GPR39: variants seen among roughly 807,000 people sequenced by gnomAD.
The protein encoded by GPR39 is G protein-coupled receptor 39, also known as zinc sensing receptor.
GPR39 carries 23 observed loss-of-function variants against 18.4 expected under a neutral mutation model. The ratio of observed to expected loss-of-function variants is 1.25; its 90% CI spans 0.90 to 1.77. The LOEUF (loss-of-function observed/expected upper bound fraction) is 1.77. GPR39 is among the 40% of genes most tolerant of loss of function. The probability of loss-of-function intolerance (pLI) is 0.00; values close to 1 mark genes in which losing one functional copy is unlikely to be tolerated. For missense variants in GPR39, 647 were observed against 602.4 expected, an observed-to-expected ratio of 1.07 and a Z score of -0.78; for synonymous variants, 280 against 257.9, an observed-to-expected ratio of 1.09 and a Z score of -0.82.
At chr2:132,468,095 A>G (rs938569893) in intron 1 of GPR39, among the ~76,000 whole-genome samples, 1 of 152,328 alleles carries the variant, frequency 6.6e-6, no homozygotes, top group Admixed American at 6.5e-5. Flanking sequence ...GATACTTGGC[A>G]TGATGGGAAA....
At chr2:132,609,503 ACTC>A (rs938821986) in intron 1 of GPR39, among the ~76,000 whole-genome samples, 49 of 152,028 alleles carry the variant, frequency 3.2e-4, no homozygotes, top group African/African-American at 1.2e-3. Context: ...GTTGAGTTGA[ACTC>A]CTAAGTCAGT....
At position 132,461,355 on chromosome 2, in the gene GPR39, C is replaced by T. The variant is rs796419538; in HGVS notation, c.856+43457C>T. On this transcript the variant is annotated intron_variant, in intron 1 of 1. Transcript: ENST00000329321. The stretch of plus-strand genomic sequence containing the variant: ...CCTAGACTTGCTAGCTGCCTAGTAT[C>T]GTGCTCAAGGTACTGCCATGTATAC... 7.9e-5 allele frequency among the ~76,000 whole-genome samples: 12 copies of T among 152,266 alleles called. No individual in the cohort carries two copies. In the South Asian group the frequency reaches 1.2e-3, roughly 16 times the overall value.
At chr2:132,523,342 A>G (rs766270932) in intron 1 of GPR39, among the ~76,000 whole-genome samples, 3 of 152,212 alleles carry the variant, frequency 2.0e-5, no homozygotes, top group Non-Finnish European at 4.4e-5. Flanking sequence ...ACAATGAACA[A>G]TCCATTAAAT....
At chr2:132,427,399 C>T (rs1020106370) in intron 1 of GPR39, among the ~76,000 whole-genome samples, 2 of 150,152 alleles carry the variant, frequency 1.3e-5, no homozygotes, top group African/African-American at 4.9e-5. Context: ...GATCTCCTGA[C>T]CTCGTGATCC....
Position 132,551,996 on chromosome 2 carries a change from G to T in GPR39, c.857-93105G>T, listed in dbSNP as rs1680053266. ...TCCTCCAGAGAAATAGCACCAATAG[G>T]ATGTGTGGACAGTCACCCCTTTGTA... On this transcript the variant is annotated intron_variant, in intron 1 of 1. Transcript: ENST00000329321. Among the ~76,000 whole-genome samples, 3 of 152,284 alleles carry T rather than the reference G, an allele frequency of 2.0e-5. No individual in the cohort carries two copies. In the South Asian group the frequency reaches 6.2e-4, roughly 32 times the overall value.
intron 1 of GPR39, among the ~76,000 whole-genome samples, chr2:132,419,788 G>A (rs1479820565): frequency 6.6e-6 from 1 of 152,066 alleles, no homozygotes; most frequent in Non-Finnish European, 1.5e-5. Flanking sequence ...AAGAATTAGG[G>A]GGTAGATAAG....
At chr2:132,565,573 C>T (rs1680336345) in intron 1 of GPR39, among the ~76,000 whole-genome samples, 1 of 131,774 alleles carries the variant, frequency 7.6e-6, no homozygotes, top group Admixed American at 8.2e-5. Flanking sequence ...ACCACAGTCC[C>T]CAGAGTGTGA....
At chr2:132,634,333 A>G (rs1681710773) in intron 1 of GPR39, among the ~76,000 whole-genome samples, 1 of 152,128 alleles carries the variant, frequency 6.6e-6, no homozygotes, top group Admixed American at 6.5e-5. Flanking sequence ...GCAGATCAGA[A>G]GCCCGAGGAG....
chr2:132,458,335 TA>T (rs572299399), intron 1 of GPR39, among the ~76,000 whole-genome samples: 3 of 152,026 alleles, frequency 2.0e-5, no homozygotes, highest in South Asian at 4.2e-4. Flanking sequence ...TTTTATTTTT[TA>T]AAAAAAATTC....
intron 1 of GPR39, among the ~76,000 whole-genome samples, chr2:132,578,250 C>T: frequency 6.6e-6 from 1 of 151,980 alleles, no homozygotes; most frequent in Non-Finnish European, 1.5e-5. Context: ...GCTCATGATG[C>T]ACAATTCTTC....
intron 1 of GPR39, among the ~76,000 whole-genome samples, chr2:132,503,177 G>T (rs1421520463): frequency 6.6e-6 from 1 of 152,154 alleles, no homozygotes; most frequent in Non-Finnish European, 1.5e-5. Flanking sequence ...TGTTTTTCTG[G>T]TTCCTTCTTT....
rs115940344 is a variant in GPR39, at chr2:132,441,590, A to G, written c.856+23692A>G. 4.6e-3 allele frequency among the ~76,000 whole-genome samples: 693 copies of G among 152,284 alleles called. 14 individuals carry two copies. In the South Asian group the frequency reaches 0.053, roughly 12 times the overall value. On this transcript the variant is annotated intron_variant, in intron 1 of 1. Coordinates refer to ENST00000329321, the MANE Select transcript of GPR39 (RefSeq NM_001508.3). The stretch of plus-strand genomic sequence containing the variant: ...ATGGAAGGGCCCCAGGCAGGGCCCT[A>G]ATGAATGGAGTGATTAATACACTTG...
At chr2:132,598,127 C>G (rs887861512) in intron 1 of GPR39, among the ~76,000 whole-genome samples, 2 of 152,224 alleles carry the variant, frequency 1.3e-5, no homozygotes, top group Non-Finnish European at 2.9e-5. Context: ...TGGCCTCCAG[C>G]TCAAAGGCAG....
At chr2:132,642,765 C>T (rs1169464142) in intron 1 of GPR39, among the ~76,000 whole-genome samples, 1 of 152,214 alleles carries the variant, frequency 6.6e-6, no homozygotes, top group African/African-American at 2.4e-5. Flanking sequence ...AGTACAACCT[C>T]CCATGGTGTA....
rs140138741 is a variant in GPR39 at position 132,472,591 on chromosome 2, G to A, written c.856+54693G>A. 1.9e-3 allele frequency among the ~76,000 whole-genome samples: 285 copies of A among 152,228 alleles called. 1 individual carries two copies. Among genetic ancestry groups the A allele is most frequent in the African/African-American group, 5.8e-3 (241 of 41,532 alleles). On this transcript the variant is annotated intron_variant, in intron 1 of 1. Coordinates refer to ENST00000329321, the MANE Select transcript of GPR39 (RefSeq NM_001508.3). ...TTCTCCTCCATCCGTTGGTCATAGGGAATGGAAACCCACATATATGGAATG... is the reference window on the plus strand; with the variant it reads ...TTCTCCTCCATCCGTTGGTCATAGGAAATGGAAACCCACATATATGGAATG...
chr2:132,639,877 A>G (rs891778905), intron 1 of GPR39, among the ~76,000 whole-genome samples: 1 of 152,180 alleles, frequency 6.6e-6, no homozygotes, highest in African/African-American at 2.4e-5. Context: ...CATGCTGTCA[A>G]TGGTCAGCAC....
chr2:132,508,129 A>T (rs1451294338), intron 1 of GPR39, among the ~76,000 whole-genome samples: 3 of 152,174 alleles, frequency 2.0e-5, no homozygotes, highest in Admixed American at 6.5e-5. Context: ...GACTTACCTG[A>T]GTCACCTCAT....
chr2:132,564,431 C>A (rs1266550403), intron 1 of GPR39, among the ~76,000 whole-genome samples: 1 of 152,060 alleles, frequency 6.6e-6, no homozygotes, highest in Non-Finnish European at 1.5e-5. Context: ...TATGGCATTT[C>A]CCTCCCTTCT....
Position 132,521,702 on chromosome 2 carries a change from TC to T in GPR39, c.856+103811del, listed in dbSNP as rs200905115. Among the ~76,000 whole-genome samples, 1,064 of 133,824 alleles carry T rather than the reference TC, an allele frequency of 8.0e-3. 14 individuals carry two copies. Among genetic ancestry groups the T allele is most frequent in the African/African-American group, 0.025 (920 of 36,302 alleles). 87.8% of individuals were successfully genotyped at this position (133,824 alleles called of 152,430 possible). A position where few individuals can be genotyped will look rare whatever the true frequency, so the allele number is the denominator to read the frequency against. The stretch of plus-strand genomic sequence containing the variant: ...CTCCGGGATCTTGTTCTTTTTCTTT[TC>T]CCCCCCTTATTAAACAAATTAGCCA... On this transcript the variant is annotated intron_variant, in intron 1 of 1. Coordinates refer to ENST00000329321, the MANE Select transcript of GPR39 (RefSeq NM_001508.3).
Sources: gnomAD v4.1 joint callset for allele counts (sites outside exome capture counted in the v4.1 genomes callset) on GRCh38, gnomAD v4.1.1 for gene constraint, MANE v1.5 for transcripts, NCBI Gene and HGNC (gene_info 2026-07-23, HGNC 2026-07-21) for gene names.